The following SKAP1 variants were observed in gnomAD, a reference collection of about 807,000 sequenced individuals.
SKAP1 encodes the protein src kinase-associated phosphoprotein 1.
Under a neutral mutation model 58.5 loss-of-function variants are expected in SKAP1, and 44 were observed. That is an observed-to-expected ratio of 0.75 (90% CI 0.59 to 0.97). SKAP1 has a LOEUF of 0.97. Among genes scored for constraint, SKAP1 ranks in the 50% least tolerant of loss-of-function variants. The pLI, the probability that SKAP1 is intolerant of heterozygous loss-of-function variation, is 0.00. For missense variants in SKAP1, 390 were observed against 435.2 expected (o/e 0.90, Z 0.92); for synonymous variants, 127 against 149.7 (o/e 0.85, Z 1.11).
In SKAP1 at chr17:48,257,209, C is replaced by G. The variant is rs866005800; in HGVS notation, c.281-67709G>C. 2.6e-5 allele frequency among the ~76,000 whole-genome samples: 4 copies of G among 151,986 alleles called. 1 individual carries two copies. The highest frequency in any genetic ancestry group is 6.8e-3 in the Middle Eastern group (2 of 294). ...ACCTACAGAGTCTAGAAAGTACTGA[C>G]TGTAGCTTGAGGTTATGAAACTGAA... On this transcript the variant is annotated intron_variant, in intron 4 of 12. Transcript: ENST00000336915.
At chr17:48,223,105 T>C (rs1175038490) in intron 4 of SKAP1, among the ~76,000 whole-genome samples, 1 of 139,966 alleles carries the variant, frequency 7.1e-6, no homozygotes, top group Admixed American at 7.3e-5. Context: ...AAAAGGTGCA[T>C]GGTTTGAAGT....
At chr17:48,354,149 G>A (rs962741690) in intron 3 of SKAP1, among the ~76,000 whole-genome samples, 12 of 152,138 alleles carry the variant, frequency 7.9e-5, no homozygotes, top group Non-Finnish European at 1.3e-4. Flanking sequence ...AGTTTTCTTT[G>A]TGATAACATA....
intron 4 of SKAP1, among the ~76,000 whole-genome samples, chr17:48,302,619 C>A (rs982954100): frequency 6.6e-6 from 1 of 152,182 alleles, no homozygotes; most frequent in African/African-American, 2.4e-5. Flanking sequence ...ATATGAAATG[C>A]CCAAGGAAGT....
At chr17:48,395,418 TCCTCTC>T (rs1473987299) in intron 2 of SKAP1, among the ~76,000 whole-genome samples, 1 of 152,118 alleles carries the variant, frequency 6.6e-6, no homozygotes, top group Non-Finnish European at 1.5e-5. Context: ...TTTAGGGCAT[TCCTCTC>T]CCAATTTAAA....
At chr17:48,350,028 T>A (rs1342244702) in intron 3 of SKAP1, among the ~76,000 whole-genome samples, 1 of 152,172 alleles carries the variant, frequency 6.6e-6, no homozygotes, top group Non-Finnish European at 1.5e-5. Context: ...ATTTACTAAT[T>A]CAATTCCAAA....
chr17:48,407,111 G>A (rs943266097), intron 1 of SKAP1, among the ~76,000 whole-genome samples: 1 of 152,118 alleles, frequency 6.6e-6, no homozygotes, highest in Non-Finnish European at 1.5e-5. Flanking sequence ...CATATATTAT[G>A]AGTCAAAGAG....
intron 1 of SKAP1, among the ~76,000 whole-genome samples, chr17:48,421,431 G>A (rs2067792455): frequency 6.6e-6 from 1 of 151,882 alleles, no homozygotes; most frequent in Admixed American, 6.6e-5. Context: ...AGCCTCCTGA[G>A]TAGCTGGGAT....
At chr17:48,194,119 C>A (rs531390462) in intron 4 of SKAP1, among the ~76,000 whole-genome samples, 7 of 152,102 alleles carry the variant, frequency 4.6e-5, no homozygotes, top group Non-Finnish European at 1.0e-4. Context: ...CTTAACTAAA[C>A]CTCTCAGAAC....
intron 4 of SKAP1, among the ~76,000 whole-genome samples, chr17:48,286,579 A>C (rs985472298): frequency 1.3e-5 from 2 of 152,244 alleles, no homozygotes; most frequent in Non-Finnish European, 2.9e-5. Context: ...AGCAAAAATA[A>C]AGGTTATGAA....
chr17:48,138,809 C>T (rs1404486281), intron 11 of SKAP1, among the ~76,000 whole-genome samples: 1 of 152,002 alleles, frequency 6.6e-6, no homozygotes, highest in Non-Finnish European at 1.5e-5. Context: ...AGCCACTGTG[C>T]CCACTCTGAG....
At chr17:48,387,163 T>C (rs1295612833) in intron 2 of SKAP1, among the ~76,000 whole-genome samples, 1 of 152,236 alleles carries the variant, frequency 6.6e-6, no homozygotes, top group Non-Finnish European at 1.5e-5. Flanking sequence ...ATAAAGTAGC[T>C]GCTGAGAGCC....
At chr17:48,156,373 G>GAAAA in intron 11 of SKAP1, 1 of 277,732 alleles carries the variant, frequency 3.6e-6, no homozygotes, top group Non-Finnish European at 7.7e-6. Context: ...GGCATCGTGG[G>GAAAA]AAGTAATTTA....
chr17:48,405,499 T>C (rs1414406650), intron 1 of SKAP1, among the ~76,000 whole-genome samples: 1 of 149,642 alleles, frequency 6.7e-6, no homozygotes, highest in Non-Finnish European at 1.5e-5. Flanking sequence ...TTTCTTTCCT[T>C]TCTTTCTTTT....
intron 4 of SKAP1, among the ~76,000 whole-genome samples, chr17:48,338,236 G>C (rs2066602220): frequency 6.6e-6 from 1 of 151,450 alleles, no homozygotes; most frequent in African/African-American, 2.4e-5. Flanking sequence ...TGCAACCTCT[G>C]CCTCCCAGGT....
chr17:48,156,044 A>T (rs1349265588), intron 11 of SKAP1, among the ~76,000 whole-genome samples: 1 of 152,116 alleles, frequency 6.6e-6, no homozygotes, highest in Non-Finnish European at 1.5e-5. Context: ...AACCCCTGCC[A>T]AGTACTGATG....
At chr17:48,196,866 A>C (rs1384000917) in intron 4 of SKAP1, 2 of 152,276 alleles carry the variant, frequency 1.3e-5, no homozygotes, top group Non-Finnish European at 1.5e-5. Context: ...CCAAGAGGTC[A>C]AAAGAGATAT....
intron 4 of SKAP1, among the ~76,000 whole-genome samples, chr17:48,205,941 A>G (rs2064804361): frequency 6.6e-6 from 1 of 152,092 alleles, no homozygotes; most frequent in Non-Finnish European, 1.5e-5. Flanking sequence ...GTCCACCAAG[A>G]AAAAAGGTGA....
In SKAP1 at chr17:48,326,025, CATT is replaced by C. The variant is rs1314547210; in HGVS notation, c.280+19877_280+19879del. Among the ~76,000 whole-genome samples the C allele has an allele frequency of 3.4e-4, 52 of 152,338 alleles. No homozygotes were observed. The South Asian group carries it at 7.2e-3, about 21-fold the overall frequency. ...CAAAAATGTACACACACATCATCAT[CATT>C]ATCTTTGTGTGCAAACAACGTAAAT... On this transcript the variant is annotated intron_variant, in intron 4 of 12. Coordinates refer to ENST00000336915, the MANE Select transcript of SKAP1 (RefSeq NM_003726.4).
At chr17:48,306,418 C>A (rs528126386) in intron 4 of SKAP1, among the ~76,000 whole-genome samples, 97 of 152,268 alleles carry the variant, frequency 6.4e-4, no homozygotes, top group African/African-American at 2.3e-3. Flanking sequence ...GGACTTACTT[C>A]ATTAAATCCA....
Sources: allele counts gnomAD v4.1 joint callset (sites outside exome capture counted in the v4.1 genomes callset), GRCh38; gene constraint gnomAD v4.1.1; transcripts MANE v1.5; gene names NCBI Gene and HGNC (gene_info 2026-07-23, HGNC 2026-07-21).